CABLES1: variants seen among roughly 807,000 people sequenced by gnomAD.
CABLES1 encodes CDK5 and ABL1 enzyme substrate 1.
CABLES1 carries 36 observed loss-of-function variants against 57.8 expected under a neutral mutation model. The observed-to-expected ratio is 0.62, with a 90% confidence interval of 0.48 to 0.82. CABLES1 has a LOEUF of 0.82. Ranked by LOEUF, CABLES1 falls within the 40% of genes least tolerant of loss-of-function variation. The pLI is 0.00. For missense variants in CABLES1, 767 were observed against 836.6 expected, an observed-to-expected ratio of 0.92 and a Z score of 1.03; for synonymous variants, 374 against 363.0, an observed-to-expected ratio of 1.03 and a Z score of -0.35.
intron 2 of CABLES1, among the ~76,000 whole-genome samples, chr18:23,193,930 A>C (rs1048545182): frequency 2.0e-5 from 3 of 152,244 alleles, no homozygotes; most frequent in African/African-American, 4.8e-5. Flanking sequence ...ATTCAGTGTA[A>C]AGCTGTGACC....
chr18:23,234,697 A>C lies in CABLES1; in HGVS notation c.1178A>C (p.Asp393Ala). ...CTGGAAGGTGTGGAGCTGGGTGCTG[A>C]TGGGAAGGTAAGGCTGCCAGGCTGC... is the stretch of plus-strand genomic sequence containing the variant. ...IGLEGVELGA[D>A]GKTVSYTQFL... Residue 393 changes from aspartate to alanine, a missense_variant, in exon 5 of 10, where the codon GAT (aspartate) becomes GCT (alanine). This residue lies in a region of CABLES1 where 529 missense variants were observed against 622.8 expected (regional missense o/e 0.85). Coordinates refer to ENST00000256925, the MANE Select transcript of CABLES1 (RefSeq NM_001100619.3). 2 of 1,612,908 alleles carry C rather than the reference A, an allele frequency of 1.2e-6. No homozygotes were observed. The highest frequency in any genetic ancestry group is 1.7e-6 in the Non-Finnish European group (2 of 1,179,520).
chr18:23,222,309 A>G (rs983469271), intron 4 of CABLES1, among the ~76,000 whole-genome samples: 3 of 150,268 alleles, frequency 2.0e-5, no homozygotes, highest in African/African-American at 4.9e-5. Flanking sequence ...CCCCAGCTCC[A>G]CTAAGAGCCC....
chr18:23,156,015 C>T (rs937204768), intron 1 of CABLES1: 92 of 1,568,568 alleles, frequency 5.9e-5, no homozygotes, highest in Non-Finnish European at 7.9e-5. Flanking sequence ...TGGCTCCCCC[C>T]TTTGGATGCT....
At chr18:23,159,382 A>G (rs565559234) in intron 1 of CABLES1, among the ~76,000 whole-genome samples, 1 of 152,350 alleles carries the variant, frequency 6.6e-6, no homozygotes, top group South Asian at 2.1e-4. Context: ...TGTTGTCTTC[A>G]TATTAAGCTT....
intron 1 of CABLES1, among the ~76,000 whole-genome samples, chr18:23,154,403 G>C (rs1241759806): frequency 6.6e-6 from 1 of 152,214 alleles, no homozygotes; most frequent in South Asian, 2.1e-4. Flanking sequence ...TGTTTAACTT[G>C]ATCATCTACC....
chr18:23,199,372 A>G (rs1460782938), intron 3 of CABLES1, among the ~76,000 whole-genome samples: 2 of 152,222 alleles, frequency 1.3e-5, no homozygotes, highest in Non-Finnish European at 2.9e-5. Flanking sequence ...ACCCAGAAGA[A>G]TTGAAATAGG....
In CABLES1 at chr18:23,135,848, A is replaced by AGCAGCCGCCGCC. The variant is rs2046814692; in HGVS notation, c.93_104dup (p.Pro32_Pro35dup). 2.0e-6 allele frequency: 2 copies of AGCAGCCGCCGCC among 989,194 alleles called. No individual in the cohort carries two copies. The highest frequency in any genetic ancestry group is 2.4e-6 in the Non-Finnish European group (2 of 830,714). 61.3% of individuals were successfully genotyped at this position (989,194 alleles called of 1,614,324 possible). A position where few individuals can be genotyped will look rare whatever the true frequency, so the allele number is the denominator to read the frequency against. On this transcript the variant is annotated inframe_insertion, in exon 1 of 10. Transcript: ENST00000256925. ...GACGCCGCGGGCGCCAGCGGATTGC[A>AGCAGCCGCCGCC]GCAGCCGCCGCCGCAGCCCCAGCCT...
chr18:23,257,412 T>C lies in CABLES1; in HGVS notation c.*45T>C. ...CAAGGGCCATTTCTTCTCAGCTTGG[T>C]GGAGCAGCACTTACTTACTACTGGA... On this transcript the variant is annotated 3_prime_UTR_variant, in exon 10 of 10. Transcript: ENST00000256925. The C allele has an allele frequency of 6.5e-7, 1 of 1,542,456 alleles. No homozygotes were observed. The highest frequency in any genetic ancestry group is 8.7e-7 in the Non-Finnish European group (1 of 1,149,962).
At chr18:23,200,392 T>TG (rs2047315322) in intron 3 of CABLES1, among the ~76,000 whole-genome samples, 1 of 152,122 alleles carries the variant, frequency 6.6e-6, no homozygotes, top group African/African-American at 2.4e-5. Context: ...CCCGAGTAGC[T>TG]GGGACTACAG....
At chr18:23,242,014 G>A (rs1237448780) in intron 7 of CABLES1, among the ~76,000 whole-genome samples, 5 of 152,148 alleles carry the variant, frequency 3.3e-5, no homozygotes, top group Admixed American at 6.5e-5. Flanking sequence ...AGTGGCTCAC[G>A]CCTGTAATCC....
At chr18:23,210,168 C>G (rs1276595366) in intron 3 of CABLES1, among the ~76,000 whole-genome samples, 1 of 151,920 alleles carries the variant, frequency 6.6e-6, no homozygotes, top group Non-Finnish European at 1.5e-5. Context: ...TATTTTTTTT[C>G]CTCTGGCCGA....
chr18:23,239,454 G>A (rs369112761), intron 7 of CABLES1, among the ~76,000 whole-genome samples: 33 of 152,350 alleles, frequency 2.2e-4, no homozygotes, highest in African/African-American at 7.5e-4. Context: ...GTTCTTGACA[G>A]TGTGTTGTGT....
At chr18:23,184,460 T>G (rs961492465) in intron 1 of CABLES1, among the ~76,000 whole-genome samples, 4 of 152,164 alleles carry the variant, frequency 2.6e-5, no homozygotes, top group African/African-American at 9.7e-5. Flanking sequence ...CCCAGCACTT[T>G]GGGAGGCCGA....
intron 4 of CABLES1, among the ~76,000 whole-genome samples, chr18:23,231,813 C>T (rs2047568887): frequency 6.6e-6 from 1 of 151,828 alleles, no homozygotes; most frequent in African/African-American, 2.4e-5. Context: ...GAGGAAATGC[C>T]AAGAAGGGGA....
intron 1 of CABLES1, among the ~76,000 whole-genome samples, chr18:23,171,909 A>G (rs866773032): frequency 6.6e-6 from 1 of 152,180 alleles, no homozygotes; most frequent in African/African-American, 2.4e-5. Context: ...CACCTAGAAC[A>G]GGGACCAAGC....
intron 7 of CABLES1, 51 bp downstream of exon 7, chr18:23,237,296 C>A: frequency 7.7e-7 from 1 of 1,304,700 alleles, no homozygotes; most frequent in Non-Finnish European, 1.1e-6. Context: ...AGTTGCCCCA[C>A]CTGGGTTGGT....
intron 3 of CABLES1, among the ~76,000 whole-genome samples, chr18:23,202,063 A>C (rs2047329465): frequency 6.6e-6 from 1 of 151,634 alleles, no homozygotes; most frequent in African/African-American, 2.4e-5. Context: ...GGAAGGAAGG[A>C]AGGCGAGATG....
intron 7 of CABLES1, among the ~76,000 whole-genome samples, chr18:23,244,564 G>T (rs777355451): frequency 3.9e-5 from 6 of 152,202 alleles, no homozygotes; most frequent in Non-Finnish European, 5.9e-5. Context: ...AGATTTAGTC[G>T]AGGGCCACCG....
intron 3 of CABLES1, chr18:23,197,125 C>T (rs750359446): frequency 2.0e-5 from 3 of 152,132 alleles, no homozygotes; most frequent in Non-Finnish European, 4.4e-5. Context: ...CATTTTGAGA[C>T]AGAAAGGGGA....
Sources: allele counts gnomAD v4.1 joint callset (sites outside exome capture counted in the v4.1 genomes callset), GRCh38; gene constraint gnomAD v4.1.1; regional missense constraint gnomAD v4.1.1; transcripts MANE v1.5; gene names NCBI Gene and HGNC (gene_info 2026-07-23, HGNC 2026-07-21).